Variants in IQANK1 observed in about 807,000 individuals in gnomAD.
IQANK1 encodes IQ motif and ankyrin repeat domain-containing protein 1.
Under a neutral mutation model 22.6 loss-of-function variants are expected in IQANK1, and 30 were observed. That is an observed-to-expected ratio of 1.33 (90% CI 0.99 to 1.80). The LOEUF is 1.80. IQANK1 is among the 40% of genes most tolerant of loss of function. IQANK1 has a pLI of 0.00. For missense variants in IQANK1, 275 were observed against 235.2 expected (o/e 1.17, Z -1.11); for synonymous variants, 122 against 99.6 (o/e 1.23, Z -1.34).
In IQANK1 at chr8:143,758,586, CG is replaced by C. The variant is rs1819334779; in HGVS notation, c.176-12900del. ...TTGAACATTTTCAGCTAGAATGACA[CG>C]GCATTCTCCTACATAAAACATTATA... On this transcript the variant is annotated intron_variant, in intron 3 of 13. Transcript: ENST00000527139. The surrounding 1 kb of genome is among the most constrained non-coding windows in gnomAD (Gnocchi z 4.2). 6.6e-6 allele frequency: 1 copy of C among 152,296 alleles called. No homozygotes were observed. Among genetic ancestry groups the C allele is most frequent in the Admixed American group, 6.5e-5 (1 of 15,296 alleles). The allele number at this position is 152,296 out of a possible 1,614,324, so 9.4% of individuals were successfully genotyped here.
intron 7 of IQANK1, among the ~76,000 whole-genome samples, chr8:143,776,008 C>T (rs892323340): frequency 6.2e-5 from 9 of 144,844 alleles, no homozygotes; most frequent in Admixed American, 1.3e-4. Flanking sequence ...TGAGGAGGGC[C>T]GGGCGCGGTG....
intron 7 of IQANK1, among the ~76,000 whole-genome samples, chr8:143,777,958 GC>G (rs1819722126): frequency 6.6e-6 from 1 of 152,164 alleles, no homozygotes; most frequent in African/African-American, 2.4e-5. Context: ...ACTTTGGAAG[GC>G]CGAGGCGGGC....
intron 7 of IQANK1, 103 bp downstream of exon 7, chr8:143,772,585 T>C (rs1819602681): frequency 5.0e-6 from 2 of 396,954 alleles, no homozygotes; most frequent in African/African-American, 2.1e-5. Flanking sequence ...GAGGTGTGAG[T>C]CTGGCAGGTG....
chr8:143,760,743 TTAAAG>T (rs554294081), intron 3 of IQANK1, among the ~76,000 whole-genome samples: 71 of 152,186 alleles, frequency 4.7e-4, no homozygotes, highest in African/African-American at 1.7e-3. Flanking sequence ...TATTATAAGT[TTAAAG>T]TAACAAGAAG....
intron 3 of IQANK1, among the ~76,000 whole-genome samples, chr8:143,741,295 A>G (rs1359115590): frequency 2.0e-5 from 3 of 152,056 alleles, no homozygotes; most frequent in Admixed American, 2.0e-4. Context: ...AGGACCAGGG[A>G]GCTCCATCTT....
At position 143,750,966 on chromosome 8, in the gene IQANK1, G is replaced by GTGTT. The variant is rs1554627959; in HGVS notation, c.175+11019_175+11020insGTTT. ...CTTTTGTGTGTGTGTGTGTGTGTGT[G>GTGTT]TTTTTTTGTAGTGAAATGTTTCAAT... On this transcript the variant is annotated intron_variant, in intron 3 of 13. Coordinates refer to ENST00000527139, the MANE Select transcript of IQANK1 (RefSeq NM_001381874.1). Among the ~76,000 whole-genome samples the GTGTT allele has an allele frequency of 2.4e-3, 355 of 150,684 alleles. 1 individual carries two copies. The highest frequency in any genetic ancestry group is 7.3e-3 in the South Asian group (35 of 4,800).
chr8:143,739,560 G>A, intron 2 of IQANK1: 2 of 328,240 alleles, frequency 6.1e-6, no homozygotes, highest in Non-Finnish European at 1.1e-5. Flanking sequence ...CCAGCCCACA[G>A]GGTCCTTCTA....
At chr8:143,754,317 G>C (rs1463415903) in intron 3 of IQANK1, among the ~76,000 whole-genome samples, 5 of 152,300 alleles carry the variant, frequency 3.3e-5, no homozygotes, top group African/African-American at 1.2e-4. Context: ...CCGTATCCGT[G>C]GGTCAGGAGT....
intron 3 of IQANK1, among the ~76,000 whole-genome samples, chr8:143,770,802 TAGAA>T (rs1417227469): frequency 6.6e-6 from 1 of 152,244 alleles, no homozygotes; most frequent in African/African-American, 2.4e-5. Flanking sequence ...GCTGGACTCT[TAGAA>T]AGCTGCAGGT....
chr8:143,790,426 C>A lies in IQANK1; in HGVS notation c.1501C>A (p.Gln501Lys). The A allele has an allele frequency of 1.6e-6, 1 of 629,452 alleles. No individual in the cohort carries two copies. Among genetic ancestry groups the A allele is most frequent in the Non-Finnish European group, 2.3e-6 (1 of 437,700 alleles). The allele number at this position is 629,452 out of a possible 1,614,324, so 39.0% of individuals were successfully genotyped here. Residue 501 changes from glutamine (Q) to lysine (K), a missense_variant, in exon 14 of 14, where the codon CAG becomes AAG. By Grantham distance (53) the Gln-to-Lys change is moderately conservative (BLOSUM62 1). Transcript: ENST00000527139. The part of the protein sequence containing the change: ...PVVQRQLEAV[Q>K]ERYLSLLRPT... ...CGTGCAGCGGCAGCTGGAGGCGGTG[C>A]AGGAGAGGTACCTGTCGCTGCTGCG...
intron 7 of IQANK1, among the ~76,000 whole-genome samples, chr8:143,781,945 G>A (rs6558391): frequency 1 from 151,765 of 152,360 alleles, 75,590 homozygotes; most frequent in Non-Finnish European, 1. Context: ...CTTCCTATCC[G>A]TGAGCATGGG....
At chr8:143,736,419 A>G (rs1554625694) in intron 2 of IQANK1, among the ~76,000 whole-genome samples, 1 of 152,086 alleles carries the variant, frequency 6.6e-6, no homozygotes. Flanking sequence ...TGCTGGGATT[A>G]CAGGCTTGAG....
intron 3 of IQANK1, among the ~76,000 whole-genome samples, chr8:143,760,129 C>T (rs1335731720): frequency 6.6e-6 from 1 of 152,162 alleles, no homozygotes; most frequent in Admixed American, 6.5e-5. Context: ...CGCAGGATGT[C>T]GCCCTTGTCT....
rs530766407 is a variant in IQANK1 at position 143,739,573 on chromosome 8, A to G, written c.86-286A>G. On this transcript the variant is annotated intron_variant, in intron 2 of 13. Coordinates refer to ENST00000527139, the MANE Select transcript of IQANK1 (RefSeq NM_001381874.1). ...TGCCAGCCCACAGGGTCCTTCTAGC[A>G]GAGGCACCACCTGCCCATCCTTGGG... is the stretch of plus-strand genomic sequence containing the variant. 4.8e-5 allele frequency: 17 copies of G among 355,000 alleles called. No individual in the cohort carries two copies. The South Asian group carries it at 1.3e-3, about 27-fold the overall frequency. 22.0% of individuals were successfully genotyped at this position (355,000 alleles called of 1,614,324 possible).
At chr8:143,750,339 A>T (rs1344694257) in intron 3 of IQANK1, among the ~76,000 whole-genome samples, 2 of 152,098 alleles carry the variant, frequency 1.3e-5, no homozygotes, top group Non-Finnish European at 2.9e-5. Context: ...ATTTTGTCTG[A>T]TACTAGTACA....
In IQANK1 at chr8:143,735,345, C is replaced by T. The variant is rs1306963796; in HGVS notation, c.-4-505C>T. 6.6e-6 allele frequency among the ~76,000 whole-genome samples: 1 copy of T among 152,182 alleles called. No homozygotes were observed. The highest frequency in any genetic ancestry group is 1.5e-5 in the Non-Finnish European group (1 of 68,034). ...CTCCAGGGCCTGACACCACCATCTG[C>T]CAGAGCCGGGACCACATAAGGTCTG... On this transcript the variant is annotated intron_variant, in intron 1 of 13. Coordinates refer to ENST00000527139, the MANE Select transcript of IQANK1 (RefSeq NM_001381874.1). The surrounding 1 kb of genome is among the most constrained non-coding windows in gnomAD (Gnocchi z 5.2).
At chr8:143,742,309 G>C (rs35427453) in intron 3 of IQANK1, 16,698 of 446,980 alleles carry the variant, frequency 0.037, 442 homozygotes, top group Non-Finnish European at 0.056. Context: ...CCCCCCGGGG[G>C]CTTCCCTTGC....
chr8:143,773,668 C>T (rs1478403049), intron 7 of IQANK1, among the ~76,000 whole-genome samples: 3 of 152,162 alleles, frequency 2.0e-5, no homozygotes, highest in Non-Finnish European at 2.9e-5. Flanking sequence ...CTTTGCCCAG[C>T]TAGGGACCCA....
At position 143,774,354 on chromosome 8, in the gene IQANK1, A is replaced by C. The variant is rs1359660512; in HGVS notation, c.789+1872A>C. On this transcript the variant is annotated intron_variant, in intron 7 of 13. Transcript: ENST00000527139. This position sits in a 1 kb window ranked among gnomAD's most constrained non-coding sequence, Gnocchi z 4.2. ...AGAAAAAACTCACATCGCAAACAAC[A>C]ATGAAACATACAATCTAGGTATAAA... Among the ~76,000 whole-genome samples, 1 of 152,210 alleles carries C rather than the reference A, an allele frequency of 6.6e-6. No individual in the cohort carries two copies. Among genetic ancestry groups the C allele is most frequent in the African/African-American group, 2.4e-5 (1 of 41,466 alleles).
Sources: gnomAD v4.1 joint callset for allele counts (sites outside exome capture counted in the v4.1 genomes callset) on GRCh38, gnomAD v4.1.1 for gene constraint, Gnocchi (gnomAD v3.1) non-coding constraint, MANE v1.5 for transcripts, NCBI Gene and HGNC (gene_info 2026-07-23, HGNC 2026-07-21) for gene names.